The following C9orf72 variants were observed in gnomAD, a reference collection of about 807,000 sequenced individuals.
The protein encoded by C9orf72 is guanine nucleotide exchange factor C9orf72.
In C9orf72, 44 loss-of-function variants were observed where a neutral mutation model predicts 51.6. The observed-to-expected ratio is 0.85, with a 90% CI of 0.67 to 1.10. The LOEUF (loss-of-function observed/expected upper bound fraction) is 1.10. C9orf72 is among the 50% of genes least tolerant of loss of function. C9orf72 has a pLI of 0.00. For missense variants in C9orf72, 607 were observed against 570.6 expected, an observed-to-expected ratio of 1.06 and a Z score of -0.65; for synonymous variants, 213 against 194.2, an observed-to-expected ratio of 1.10 and a Z score of -0.81.
At chr9:27,560,519 TAGTC>T (rs1389715344) in intron 5 of C9orf72, 39 of 700,546 alleles carry the variant, frequency 5.6e-5, no homozygotes, top group Non-Finnish European at 5.2e-5. Flanking sequence ...ACAGCCCAAT[TAGTC>T]AGTATAATAT....
chr9:27,567,035 G>C lies in C9orf72; in HGVS notation c.86C>G (p.Thr29Ser), dbSNP rs140145837. The change falls in exon 2 of 11, where the codon ACT becomes AGT. Residue 29 changes from threonine to serine, a missense_variant. Physicochemically the swap from Thr to Ser is moderately conservative, Grantham distance 58 (BLOSUM62 1). Coordinates refer to ENST00000380003, the MANE Select transcript of C9orf72 (RefSeq NM_018325.5). ...AAGAATATTGTCCCAGTAAGCAAAA[G>C]TAGCTGCTAATAAAGGTGATTTGCC... The part of the protein sequence containing the change: ...LSGKSPLLAA[T>S]FAYWDNILGP... The C allele has an allele frequency of 1.9e-6, 3 of 1,613,932 alleles. No individual in the cohort carries two copies. The highest frequency in any genetic ancestry group is 1.3e-5 in the African/African-American group (1 of 74,914).
In C9orf72 at chr9:27,568,987, A is replaced by C. The variant is rs1252419285; in HGVS notation, c.-44-1823T>G. ...GGGACAAGATGTGGAGGTGGAAGGC[A>C]GTGAGGTGGAAGGGAGTGATACTGA... On this transcript the variant is annotated intron_variant, in intron 1 of 10. Transcript: ENST00000380003. 3.3e-5 allele frequency among the ~76,000 whole-genome samples: 5 copies of C among 152,138 alleles called. No individual in the cohort carries two copies. The East Asian group carries it at 9.7e-4, about 29-fold the overall frequency.
At chr9:27,554,848 G>A (rs1271922392) in intron 8 of C9orf72, among the ~76,000 whole-genome samples, 1 of 151,942 alleles carries the variant, frequency 6.6e-6, no homozygotes, top group Admixed American at 6.6e-5. Context: ...ATTTAGAGCT[G>A]GATGCAAAAT....
intron 8 of C9orf72, among the ~76,000 whole-genome samples, chr9:27,552,046 G>C (rs563796476): frequency 1.3e-5 from 2 of 152,192 alleles, no homozygotes; most frequent in South Asian, 4.2e-4. Flanking sequence ...GGAGTTTCTG[G>C]GCAGAGACTA....
In C9orf72 at chr9:27,556,670, G is replaced by A. The variant is rs370756199; in HGVS notation, c.982C>T (p.Gln328Ter). 3 of 1,613,774 alleles carry A rather than the reference G, an allele frequency of 1.9e-6. No homozygotes were observed. The highest frequency in any genetic ancestry group is 2.5e-6 in the Non-Finnish European group (3 of 1,179,860). ...AGCTCGGATCTCATGTATCTACGCTGATTATAAATATGTTCATGACAGGGT... is the reference window on the plus strand; with the variant it reads ...AGCTCGGATCTCATGTATCTACGCTAATTATAAATATGTTCATGACAGGGT... ...MPPCHEHIYN[Q>*]RRYMRSELTA... is the part of the protein sequence containing the mutation. The change falls in exon 8 of 11, where the codon CAG becomes TAG. Residue 328 changes from glutamine to a stop codon, truncating the protein, a stop_gained. Coordinates refer to ENST00000380003, the MANE Select transcript of C9orf72 (RefSeq NM_018325.5). LOFTEE classifies it high-confidence loss of function.
intron 5 of C9orf72, 55 bp downstream of exon 5, chr9:27,561,530 T>C: frequency 1.2e-6 from 2 of 1,600,480 alleles, no homozygotes; most frequent in East Asian, 2.2e-5. Flanking sequence ...TTGTCATAGG[T>C]GAGCATAAGA....
At chr9:27,562,820 G>A (rs936492696) in intron 3 of C9orf72, among the ~76,000 whole-genome samples, 27 of 151,962 alleles carry the variant, frequency 1.8e-4, no homozygotes, top group Middle Eastern at 3.4e-3. Context: ...TATAGGTGCC[G>A]CCACCATGCC....
In C9orf72 at chr9:27,548,657, G is replaced by T. The variant is rs1350269900; in HGVS notation, c.1159C>A (p.Leu387Met). The T allele has an allele frequency of 1.3e-6, 2 of 1,598,720 alleles. No homozygotes were observed. The highest frequency in any genetic ancestry group is 2.2e-5 in the South Asian group (2 of 90,762). ...CTTCTGAGAGATAAGCCAGGTTTCA[G>T]CTGAAAGACCTGCAGGGAGAGGAAC... ...VKAFLDQVFQ[L>M]KPGLSLRSTF... is the part of the protein sequence containing the mutation. The change falls in exon 10 of 11, where the codon CTG (leucine) becomes ATG (methionine). Residue 387 changes from leucine (L) to methionine (M), a missense_variant. Transcript: ENST00000380003.
chr9:27,560,324 A>T (rs1415487623), intron 5 of C9orf72, 25 bp from the exon 6 acceptor site: 3 of 1,567,844 alleles, frequency 1.9e-6, no homozygotes, highest in Non-Finnish European at 2.6e-6. Context: ...AAACAGATTA[A>T]AAACATTGCC....
chr9:27,560,195 C>A (rs1819304356), intron 6 of C9orf72, 32 bp downstream of exon 6: 1 of 1,426,034 alleles, frequency 7.0e-7, no homozygotes, highest in South Asian at 1.2e-5. Context: ...CTTAAAGAGT[C>A]AAATCATTTG....
At chr9:27,563,778 CAACT>C (rs1297973126) in intron 3 of C9orf72, among the ~76,000 whole-genome samples, 5 of 152,122 alleles carry the variant, frequency 3.3e-5, no homozygotes, top group Non-Finnish European at 7.4e-5. Flanking sequence ...GTAACCTCCA[CAACT>C]AACTATTCAC....
chr9:27,566,682 G>C lies in C9orf72; in HGVS notation c.439C>G (p.His147Asp). The C allele has an allele frequency of 6.3e-7, 1 of 1,586,620 alleles. No individual in the cohort carries two copies. The highest frequency in any genetic ancestry group is 8.6e-7 in the Non-Finnish European group (1 of 1,162,846). The change falls in exon 2 of 11, where the codon CAT becomes GAT. Residue 147 changes from histidine (H) to aspartate (D), a missense_variant. By Grantham distance (81) the His-to-Asp change is moderately conservative. Transcript: ENST00000380003. ...HIIRKGRIWM[H>D]KERQENVQKI... ...TAAGCTGAAAAATCACTTACCTTAT[G>C]CATCCATATTCTTCCTTTCCGGATT...
chr9:27,562,338 C>T (rs1157763785), intron 4 of C9orf72, 43 bp downstream of exon 4: 2 of 993,470 alleles, frequency 2.0e-6, no homozygotes, highest in Non-Finnish European at 3.0e-6. Context: ...ACTATAACCC[C>T]AAAAAACTCA....
Position 27,556,760 on chromosome 9 carries a change from C to G in C9orf72, c.892G>C (p.Val298Leu), listed in dbSNP as rs769024683. Reference sequence around the variant, plus strand: ...GTGGTGGGATATGGAGCATACATGACTTGCCGGAAAGGCAGCACAAAGCTT... The same window carrying G: ...GTGGTGGGATATGGAGCATACATGAGTTGCCGGAAAGGCAGCACAAAGCTT... ...TGSFVLPFRQVMYAPYPTTHI... is the reference protein window; with the variant it reads ...TGSFVLPFRQLMYAPYPTTHI... Residue 298 changes from valine to leucine, a missense_variant, in exon 8 of 11, where the codon GTC (valine) becomes CTC (leucine). Coordinates refer to ENST00000380003, the MANE Select transcript of C9orf72 (RefSeq NM_018325.5). 6 of 1,613,808 alleles carry G rather than the reference C, an allele frequency of 3.7e-6. No individual in the cohort carries two copies. In the Admixed American group the frequency reaches 8.3e-5, roughly 22 times the overall value.
At chr9:27,573,350 G>C (rs1819632619) in intron 1 of C9orf72, 81 bp downstream of exon 1, 1 of 154,038 alleles carries the variant, frequency 6.5e-6, no homozygotes, top group Admixed American at 6.5e-5. Flanking sequence ...GCTCTGAGGA[G>C]AGCCCCCGCT....
intron 5 of C9orf72, 163 bp downstream of exon 5, chr9:27,561,422 A>G (rs1819343466): frequency 7.1e-7 from 1 of 1,405,144 alleles, no homozygotes; most frequent in Non-Finnish European, 9.2e-7. Context: ...TAGAAATATA[A>G]TGAGTGAAAA....
At chr9:27,561,475 A>G in intron 5 of C9orf72, 110 bp downstream of exon 5, 2 of 1,358,992 alleles carry the variant, frequency 1.5e-6, no homozygotes. Context: ...TAATGTCCCT[A>G]GAACAATCTA....
At chr9:27,559,280 A>AC (rs1217474013) in intron 6 of C9orf72, 3 of 147,942 alleles carry the variant, frequency 2.0e-5, no homozygotes, top group Non-Finnish European at 4.4e-5. Context: ...AAAAAAAAAA[A>AC]AAAAACACTC....
In C9orf72 at chr9:27,548,020, T is replaced by A. The variant is rs532566386; in HGVS notation, c.*216A>T. Reference sequence around the variant, plus strand: ...ATTATATTGTAAACATAGGTCTGTATCCCAAAAGCATAAATCTAGGAAAAG... The same window carrying A: ...ATTATATTGTAAACATAGGTCTGTAACCCAAAAGCATAAATCTAGGAAAAG... On this transcript the variant is annotated 3_prime_UTR_variant, in exon 11 of 11. Coordinates refer to ENST00000380003, the MANE Select transcript of C9orf72 (RefSeq NM_018325.5). The A allele has an allele frequency of 1.6e-5, 6 of 383,010 alleles. No individual in the cohort carries two copies. Among genetic ancestry groups the A allele is most frequent in the African/African-American group, 1.2e-4 (6 of 48,264 alleles). The allele number at this position is 383,010 out of a possible 1,614,324, so 23.7% of individuals were successfully genotyped here. A position where few individuals can be genotyped will look rare whatever the true frequency, so the allele number is the denominator to read the frequency against.
Sources: gnomAD v4.1 joint callset for allele counts (sites outside exome capture counted in the v4.1 genomes callset) on GRCh38, gnomAD v4.1.1 for gene constraint, MANE v1.5 for transcripts, NCBI Gene and HGNC (gene_info 2026-07-23, HGNC 2026-07-21) for gene names.